PLCE1: variants seen among roughly 807,000 people sequenced by gnomAD.
The protein encoded by PLCE1 is phospholipase C epsilon 1, also known as 1-phosphatidylinositol 4,5-bisphosphate phosphodiesterase epsilon-1.
Under a neutral mutation model 242.8 loss-of-function variants are expected in PLCE1, and 119 were observed. The observed-to-expected ratio is 0.49, with a 90% CI of 0.42 to 0.57. The LOEUF (loss-of-function observed/expected upper bound fraction) is 0.57, where lower values mean the gene tolerates loss of function less well. Among genes scored for constraint, PLCE1 ranks in the 20% least tolerant of loss-of-function variants. The pLI is 0.00. For missense variants in PLCE1, 2,441 were observed against 2,788.8 expected (o/e 0.88, Z 2.81); for synonymous variants, 945 against 1,017.4 (o/e 0.93, Z 1.35).
rs200671940 is a variant in PLCE1, at chr10:94,095,320, A to ATTTC, written c.1207-36829_1207-36826dup. ...CCCCTTGTCCCTCAGGGGCCTTTCA[A>ATTTC]TTTCTTTCTTTCTTTCTTTCTTTCT... On this transcript the variant is annotated intron_variant, in intron 2 of 32. Coordinates refer to ENST00000371380, the MANE Select transcript of PLCE1 (RefSeq NM_016341.4). 3.5e-3 allele frequency among the ~76,000 whole-genome samples: 411 copies of ATTTC among 117,548 alleles called. 2 individuals carry two copies. Among genetic ancestry groups the ATTTC allele is most frequent in the African/African-American group, 8.0e-3 (137 of 17,188 alleles). The allele number at this position is 117,548 out of a possible 152,430, so 77.1% of individuals were successfully genotyped here.
chr10:94,089,450 A>G (rs2044978033), intron 2 of PLCE1: 2 of 1,239,224 alleles, frequency 1.6e-6, no homozygotes, highest in Admixed American at 2.3e-5. Context: ...TTTCTTTACT[A>G]GCACCATTGT....
chr10:94,087,349 CAAAA>C (rs57482986), intron 2 of PLCE1, among the ~76,000 whole-genome samples: 3 of 67,498 alleles, frequency 4.4e-5, no homozygotes, highest in Admixed American at 3.4e-4. Context: ...GACCCTGTCT[CAAAA>C]AAAAAAAAAA....
At chr10:94,165,761 G>C (rs528493735) in intron 3 of PLCE1, among the ~76,000 whole-genome samples, 5 of 151,754 alleles carry the variant, frequency 3.3e-5, no homozygotes, top group Admixed American at 3.3e-4. Context: ...AGGTTGGAAT[G>C]CAGTGGTGCC....
intron 27 of PLCE1, among the ~76,000 whole-genome samples, chr10:94,312,036 C>T (rs1164228614): frequency 1.3e-5 from 2 of 152,054 alleles, no homozygotes; most frequent in African/African-American, 2.4e-5. Flanking sequence ...CTTGTGATGT[C>T]GTCAGATCTC....
chr10:94,186,169 G>A (rs545075076), intron 4 of PLCE1, among the ~76,000 whole-genome samples: 1 of 152,284 alleles, frequency 6.6e-6, no homozygotes, highest in African/African-American at 2.4e-5. Flanking sequence ...TACGTCATCT[G>A]GCAAAAGGTA....
At chr10:94,274,384 C>T (rs934286031) in intron 19 of PLCE1, among the ~76,000 whole-genome samples, 1 of 152,216 alleles carries the variant, frequency 6.6e-6, no homozygotes, top group Non-Finnish European at 1.5e-5. Context: ...CAGACTTGCT[C>T]TCAGGCTGGC....
intron 1 of PLCE1, among the ~76,000 whole-genome samples, chr10:94,008,360 G>C (rs540618802): frequency 4.2e-4 from 64 of 152,220 alleles, no homozygotes; most frequent in Non-Finnish European, 5.0e-4. Flanking sequence ...CTAGGCTGGA[G>C]TGCAGTGGCA....
intron 3 of PLCE1, among the ~76,000 whole-genome samples, chr10:94,142,012 G>T (rs1283553500): frequency 1.3e-5 from 2 of 152,138 alleles, no homozygotes; most frequent in Non-Finnish European, 2.9e-5. Context: ...TCTTAAAAAT[G>T]CCAGAGAATA....
intron 4 of PLCE1, among the ~76,000 whole-genome samples, chr10:94,224,985 C>T (rs1326628496): frequency 6.6e-6 from 1 of 152,140 alleles, no homozygotes; most frequent in Non-Finnish European, 1.5e-5. Context: ...ACCTGAGGGC[C>T]CAGTGAAGTC....
At chr10:94,113,670 A>G (rs2135675822) in intron 2 of PLCE1, among the ~76,000 whole-genome samples, 1 of 152,332 alleles carries the variant, frequency 6.6e-6, no homozygotes, top group Non-Finnish European at 1.5e-5. Context: ...CTAAGGTCAT[A>G]TAGCTAGTTA....
At position 94,039,052 on chromosome 10, in the gene PLCE1, G is replaced by A. The variant is rs576247479; in HGVS notation, c.1206+6800G>A. 4.6e-5 allele frequency among the ~76,000 whole-genome samples: 7 copies of A among 152,086 alleles called. No homozygotes were observed. The South Asian group carries it at 8.3e-4, about 18-fold the overall frequency. On this transcript the variant is annotated intron_variant, in intron 2 of 32. Coordinates refer to ENST00000371380, the MANE Select transcript of PLCE1 (RefSeq NM_016341.4). Reference sequence around the variant, plus strand: ...TTCAAGGTTAAATATTCATTTATACGGTAGCATGAATCAATATTCATACTT... The same window carrying A: ...TTCAAGGTTAAATATTCATTTATACAGTAGCATGAATCAATATTCATACTT...
intron 5 of PLCE1, among the ~76,000 whole-genome samples, chr10:94,229,930 T>A (rs1024354224): frequency 1.3e-5 from 2 of 152,212 alleles, no homozygotes; most frequent in Non-Finnish European, 2.9e-5. Flanking sequence ...AGGAGATAAG[T>A]GGCCAGATAC....
At chr10:94,106,523 G>A (rs951136715) in intron 2 of PLCE1, among the ~76,000 whole-genome samples, 1 of 152,138 alleles carries the variant, frequency 6.6e-6, no homozygotes, top group Non-Finnish European at 1.5e-5. Context: ...ATCTATGTGT[G>A]TAATGCTAAA....
intron 7 of PLCE1, 97 bp downstream of exon 7, chr10:94,236,217 C>A: frequency 1.1e-6 from 1 of 932,866 alleles, no homozygotes; most frequent in South Asian, 1.4e-5. Context: ...ATGGACACCT[C>A]ATCAAAACCT....
intron 3 of PLCE1, among the ~76,000 whole-genome samples, chr10:94,165,171 A>G (rs934548688): frequency 5.3e-5 from 8 of 152,214 alleles, no homozygotes; most frequent in Admixed American, 3.3e-4. Context: ...GCTGTTAGAC[A>G]GGGACATTTA....
intron 4 of PLCE1, among the ~76,000 whole-genome samples, chr10:94,211,964 GA>G (rs888546950): frequency 5.9e-4 from 89 of 150,858 alleles, no homozygotes; most frequent in Non-Finnish European, 9.9e-4. Context: ...ATGTTCCTTT[GA>G]AAAAAAAATT....
At chr10:93,997,710 G>A (rs374252136) in intron 1 of PLCE1, among the ~76,000 whole-genome samples, 27 of 134,908 alleles carry the variant, frequency 2.0e-4, no homozygotes, top group African/African-American at 7.1e-4. Context: ...GTTTCAGATA[G>A]TGATCTGGCT....
rs932815563 is a variant in PLCE1, at chr10:94,279,707, CA to C, written c.4666-74del. ...CACTTTTAACGATTGTGTTAAACAT[CA>C]GGGGTAGTTTTAAAGGTTATAAATG... On this transcript the variant is annotated intron_variant, in intron 19 of 32. Coordinates refer to ENST00000371380, the MANE Select transcript of PLCE1 (RefSeq NM_016341.4). 4.0e-6 allele frequency: 6 copies of C among 1,496,670 alleles called. No homozygotes were observed. The African/African-American group carries it at 4.1e-5, about 10-fold the overall frequency. 92.7% of individuals were successfully genotyped at this position (1,496,670 alleles called of 1,614,324 possible).
At chr10:94,188,764 C>T (rs2048564189) in intron 4 of PLCE1, among the ~76,000 whole-genome samples, 2 of 152,136 alleles carry the variant, frequency 1.3e-5, no homozygotes, top group African/African-American at 4.8e-5. Flanking sequence ...TGCCACCACT[C>T]CCGGCTAATT....
Sources: allele counts gnomAD v4.1 joint callset (sites outside exome capture counted in the v4.1 genomes callset), GRCh38; gene constraint gnomAD v4.1.1; transcripts MANE v1.5; gene names NCBI Gene and HGNC (gene_info 2026-07-23, HGNC 2026-07-21).